Variants in TMCC1 observed in about 807,000 individuals in gnomAD.
The protein encoded by TMCC1 is transmembrane and coiled-coil domains protein 1.
A neutral mutation model predicts 52.4 loss-of-function variants in TMCC1; 15 were observed. That is an observed-to-expected ratio of 0.29 (90% CI 0.19 to 0.44). TMCC1 has a LOEUF of 0.44. Among genes scored for constraint, TMCC1 ranks in the 20% least tolerant of loss-of-function variants. The pLI, the probability that TMCC1 is intolerant of heterozygous loss-of-function variation, is 1.00. For synonymous variants in TMCC1, 279 were observed against 301.9 expected (o/e 0.92, Z 0.79); for missense variants, 503 against 806.0 (o/e 0.62, Z 4.55).
intron 2 of TMCC1, among the ~76,000 whole-genome samples, chr3:129,873,801 T>C (rs1205970484): frequency 2.0e-5 from 3 of 152,220 alleles, no homozygotes; most frequent in Non-Finnish European, 4.4e-5. Context: ...AGATTTCAGA[T>C]TTTTTCACAT....
At chr3:129,668,249 A>T (rs951397813) in intron 5 of TMCC1, among the ~76,000 whole-genome samples, 5 of 152,156 alleles carry the variant, frequency 3.3e-5, no homozygotes, top group Admixed American at 1.3e-4. Context: ...GGTTTTAAAA[A>T]TTTTTTTAAC....
At chr3:129,857,206 G>C (rs2060181249) in intron 2 of TMCC1, 1 of 152,384 alleles carries the variant, frequency 6.6e-6, no homozygotes, top group South Asian at 2.1e-4. Context: ...ACAGGCATGA[G>C]CCACCACGCC....
intron 4 of TMCC1, among the ~76,000 whole-genome samples, chr3:129,721,547 A>G (rs2049585219): frequency 6.6e-6 from 1 of 151,812 alleles, no homozygotes; most frequent in African/African-American, 2.4e-5. Flanking sequence ...TCATTCTGTA[A>G]TTTGGAATGA....
intron 4 of TMCC1, among the ~76,000 whole-genome samples, chr3:129,714,162 C>T (rs2048900172): frequency 6.6e-6 from 1 of 152,156 alleles, no homozygotes; most frequent in Non-Finnish European, 1.5e-5. Flanking sequence ...CATTAAACTT[C>T]AACTGGGCAT....
At chr3:129,821,405 C>G (rs1576984730) in intron 4 of TMCC1, among the ~76,000 whole-genome samples, 1 of 152,090 alleles carries the variant, frequency 6.6e-6, no homozygotes, top group African/African-American at 2.4e-5. Context: ...TGGAAAGGAT[C>G]TTACATACAT....
intron 2 of TMCC1, among the ~76,000 whole-genome samples, chr3:129,868,595 T>A (rs1452555802): frequency 2.0e-5 from 3 of 152,200 alleles, no homozygotes. Context: ...CACACCATCA[T>A]GCCCAGCTAA....
intron 4 of TMCC1, among the ~76,000 whole-genome samples, chr3:129,689,944 C>T (rs192879026): frequency 5.9e-4 from 90 of 152,276 alleles, no homozygotes; most frequent in African/African-American, 2.1e-3. Context: ...AACCCTAATC[C>T]TGTACCACTA....
At chr3:129,729,357 A>G (rs1203683695) in intron 4 of TMCC1, among the ~76,000 whole-genome samples, 1 of 152,216 alleles carries the variant, frequency 6.6e-6, no homozygotes, top group Non-Finnish European at 1.5e-5. Context: ...GTATATGACA[A>G]CTTTTGTTGT....
intron 4 of TMCC1, among the ~76,000 whole-genome samples, chr3:129,751,164 G>GCACTCCAGCCT (rs530244522): frequency 1.0e-3 from 155 of 152,112 alleles, no homozygotes; most frequent in African/African-American, 3.3e-3. Flanking sequence ...TCCTGCCACT[G>GCACTCCAGCCT]CACTCCAGCC....
Position 129,742,894 on chromosome 3 carries a change from G to A in TMCC1, c.577-71630C>T, listed in dbSNP as rs116705616. Among the ~76,000 whole-genome samples the A allele has an allele frequency of 6.8e-3, 1,035 of 152,238 alleles. 11 individuals carry two copies. Among genetic ancestry groups the A allele is most frequent in the African/African-American group, 0.024 (987 of 41,544 alleles). ...TAAATAAAAGTAGCCAGATCTGAAG[G>A]ACCATGTATTACATGTTTCTGGAAA... On this transcript the variant is annotated intron_variant, in intron 4 of 6. Coordinates refer to ENST00000393238, the MANE Select transcript of TMCC1 (RefSeq NM_001017395.5).
intron 4 of TMCC1, among the ~76,000 whole-genome samples, chr3:129,824,279 T>C (rs1174698192): frequency 6.6e-6 from 1 of 152,080 alleles, no homozygotes; most frequent in Non-Finnish European, 1.5e-5. Flanking sequence ...GAGGTTGCAG[T>C]GAGCAGAGAT....
At chr3:129,711,741 A>T (rs942262316) in intron 4 of TMCC1, among the ~76,000 whole-genome samples, 1 of 150,900 alleles carries the variant, frequency 6.6e-6, no homozygotes, top group African/African-American at 2.4e-5. Flanking sequence ...CTGTAATCCC[A>T]GCACTTTGGG....
At chr3:129,839,822 C>T (rs12632713) in intron 2 of TMCC1, among the ~76,000 whole-genome samples, 1 of 151,948 alleles carries the variant, frequency 6.6e-6, no homozygotes, top group Non-Finnish European at 1.5e-5. Flanking sequence ...GAGGTCCAGG[C>T]TACAGTGAAC....
At chr3:129,717,761 AC>A (rs2049217837) in intron 4 of TMCC1, among the ~76,000 whole-genome samples, 2 of 152,246 alleles carry the variant, frequency 1.3e-5, no homozygotes, top group African/African-American at 4.8e-5. Context: ...CTTCACTTGT[AC>A]TTTAGTCTGA....
At chr3:129,800,287 T>G (rs1400508910) in intron 4 of TMCC1, among the ~76,000 whole-genome samples, 2 of 152,232 alleles carry the variant, frequency 1.3e-5, no homozygotes, top group African/African-American at 4.8e-5. Flanking sequence ...AAATCTGCTA[T>G]AAAATTATCA....
chr3:129,718,779 T>C (rs1055787995), intron 4 of TMCC1, among the ~76,000 whole-genome samples: 1 of 152,214 alleles, frequency 6.6e-6, no homozygotes, highest in African/African-American at 2.4e-5. Flanking sequence ...AACATTTTAT[T>C]TTCTCTAGCT....
At chr3:129,690,687 T>C (rs1234774194) in intron 4 of TMCC1, among the ~76,000 whole-genome samples, 1 of 152,214 alleles carries the variant, frequency 6.6e-6, no homozygotes, top group Non-Finnish European at 1.5e-5. Context: ...CTGAAGCATA[T>C]GTTGAGACAT....
intron 2 of TMCC1, among the ~76,000 whole-genome samples, chr3:129,872,427 T>C (rs1259533952): frequency 6.6e-6 from 1 of 152,188 alleles, no homozygotes; most frequent in Non-Finnish European, 1.5e-5. Context: ...CATTTCAGAA[T>C]CTCTGGAAGT....
At chr3:129,673,144 T>A (rs2088106115) in intron 4 of TMCC1, among the ~76,000 whole-genome samples, 1 of 152,158 alleles carries the variant, frequency 6.6e-6, no homozygotes, top group African/African-American at 2.4e-5. Context: ...ACTAGCACAA[T>A]AACTGTTTTG....
Sources: gnomAD v4.1 joint callset for allele counts (sites outside exome capture counted in the v4.1 genomes callset) on GRCh38, gnomAD v4.1.1 for gene constraint, MANE v1.5 for transcripts, NCBI Gene and HGNC (gene_info 2026-07-23, HGNC 2026-07-21) for gene names.